The following PHC3 variants were observed in gnomAD, a reference collection of about 807,000 sequenced individuals.
PHC3 encodes the protein polyhomeotic homolog 3.
In PHC3, 13 loss-of-function variants were observed where a neutral mutation model predicts 107.4. The observed-to-expected ratio is 0.12, with a 90% CI of 0.08 to 0.19. PHC3 has a LOEUF of 0.19. PHC3 is among the 10% of genes least tolerant of loss of function. The pLI is 1.00. For missense variants in PHC3, 992 were observed against 1,210.9 expected (o/e 0.82, Z 2.68); for synonymous variants, 456 against 427.4 (o/e 1.07, Z -0.83).
intron 6 of PHC3, among the ~76,000 whole-genome samples, chr3:170,139,124 A>G (rs1723622549): frequency 1.3e-5 from 2 of 152,182 alleles, no homozygotes; most frequent in Non-Finnish European, 2.9e-5. Flanking sequence ...GAATTACTAA[A>G]TGTATGTTTG....
intron 4 of PHC3, among the ~76,000 whole-genome samples, chr3:170,160,931 T>C (rs555965850): frequency 2.8e-4 from 42 of 152,232 alleles, no homozygotes; most frequent in South Asian, 2.1e-3. Context: ...AGAGTTAACA[T>C]TAATAGTGTT....
intron 4 of PHC3, among the ~76,000 whole-genome samples, chr3:170,159,799 G>A (rs759827406): frequency 2.6e-5 from 4 of 152,068 alleles, no homozygotes; most frequent in Non-Finnish European, 5.9e-5. Flanking sequence ...AGTTACCCCA[G>A]AAGAATGATA....
chr3:170,132,284 C>T (rs1403937136), intron 7 of PHC3, among the ~76,000 whole-genome samples: 4 of 152,130 alleles, frequency 2.6e-5, no homozygotes, highest in Non-Finnish European at 4.4e-5. Flanking sequence ...ATCCAACATA[C>T]GACAGATGAA....
intron 4 of PHC3, chr3:170,171,033 A>G (rs1300262626): frequency 3.2e-6 from 1 of 311,706 alleles, no homozygotes; most frequent in Non-Finnish European, 5.8e-6. Flanking sequence ...GACATGACAT[A>G]CTATTGTATA....
At position 170,178,953 on chromosome 3, in the gene PHC3, A is replaced by G. The variant is rs1369834520; in HGVS notation, c.15-15T>C. On this transcript the variant is annotated splice_polypyrimidine_tract_variant and intron_variant, in intron 1 of 14. Coordinates refer to ENST00000495893, the MANE Select transcript of PHC3 (RefSeq NM_024947.4). Reference sequence around the variant, plus strand: ...GGTCCTTAAATCTGGCAGGTCACACAAAGTGTTTGTATTGGTAAAAGCATT... The same window carrying G: ...GGTCCTTAAATCTGGCAGGTCACACGAAGTGTTTGTATTGGTAAAAGCATT... The G allele has an allele frequency of 1.0e-5, 16 of 1,605,876 alleles. No individual in the cohort carries two copies. Among genetic ancestry groups the G allele is most frequent in the African/African-American group, 1.3e-5 (1 of 74,918 alleles).
At chr3:170,135,650 T>C (rs535859867) in intron 7 of PHC3, among the ~76,000 whole-genome samples, 5 of 151,480 alleles carry the variant, frequency 3.3e-5, no homozygotes, top group Non-Finnish European at 7.4e-5. Flanking sequence ...CTGTAACAAT[T>C]ATGTACTAAA....
chr3:170,139,564 G>A (rs933486505), intron 6 of PHC3, among the ~76,000 whole-genome samples: 1 of 152,126 alleles, frequency 6.6e-6, no homozygotes, highest in Non-Finnish European at 1.5e-5. Context: ...CATTTCTATA[G>A]AATAATACTC....
intron 9 of PHC3, among the ~76,000 whole-genome samples, chr3:170,118,792 C>A (rs1386368180): frequency 6.6e-6 from 1 of 151,534 alleles, no homozygotes; most frequent in East Asian, 1.9e-4. Context: ...AATTCCTAGA[C>A]TCAAGTGATC....
intron 4 of PHC3, chr3:170,171,143 A>G (rs1309483849): frequency 5.2e-6 from 3 of 571,702 alleles, no homozygotes; most frequent in Non-Finnish European, 6.1e-6. Flanking sequence ...TGATCAGTGC[A>G]AATGGATATA....
At chr3:170,106,776 T>C (rs1469456643) in intron 12 of PHC3, 56 bp downstream of exon 12, 7 of 1,261,290 alleles carry the variant, frequency 5.5e-6, no homozygotes, top group African/African-American at 1.5e-5. Flanking sequence ...GGTTTTTTGG[T>C]TTAGTTGCAA....
At chr3:170,124,144 G>A (rs947833517) in intron 8 of PHC3, among the ~76,000 whole-genome samples, 3 of 151,528 alleles carry the variant, frequency 2.0e-5, no homozygotes, top group East Asian at 2.0e-4. Context: ...CACCGCACCC[G>A]GCCAATACCT....
rs1189015657 is a variant in PHC3, at chr3:170,117,324, T to C, written c.2095A>G (p.Ser699Gly). Residue 699 changes from serine to glycine, a missense_variant, in exon 10 of 15, where the codon AGT (serine) becomes GGT (glycine). By Grantham distance (56) the Ser-to-Gly change is moderately conservative (BLOSUM62 0). This residue lies in a region of PHC3 where 543 missense variants were observed against 590.8 expected (regional missense o/e 0.92). Coordinates refer to ENST00000495893, the MANE Select transcript of PHC3 (RefSeq NM_024947.4). ...NSTSMHSSIP[S>G]IENKPPQAIV... ...GCCTGTGGAGGTTTGTTCTCTATAC[T>C]GGGAATGCTACTGTGCATAGATGTA... 3 of 1,613,876 alleles carry C rather than the reference T, an allele frequency of 1.9e-6. No homozygotes were observed. The highest frequency in any genetic ancestry group is 2.7e-5 in the African/African-American group (2 of 74,938).
At chr3:170,148,212 T>A (rs1368628963) in intron 5 of PHC3, 1 of 152,124 alleles carries the variant, frequency 6.6e-6, no homozygotes, top group Non-Finnish European at 1.5e-5. Context: ...GAGGTTGCAG[T>A]GAGCAGAGAT....
intron 4 of PHC3, among the ~76,000 whole-genome samples, chr3:170,164,357 T>C (rs1728402198): frequency 6.6e-6 from 1 of 152,134 alleles, no homozygotes; most frequent in South Asian, 2.1e-4. Flanking sequence ...ATTTAGACAA[T>C]ATAAAAATTA....
At chr3:170,115,620 T>C (rs924545113) in intron 10 of PHC3, among the ~76,000 whole-genome samples, 1 of 152,226 alleles carries the variant, frequency 6.6e-6, no homozygotes, top group African/African-American at 2.4e-5. Flanking sequence ...ATAAAAGTTA[T>C]GGCTCTCACT....
chr3:170,140,940 C>CT (rs1723997454), intron 6 of PHC3, among the ~76,000 whole-genome samples: 1 of 151,980 alleles, frequency 6.6e-6, no homozygotes, highest in African/African-American at 2.4e-5. Flanking sequence ...TTCCAAAAAT[C>CT]TTTTTTTATG....
At position 170,166,453 on chromosome 3, in the gene PHC3, C is replaced by A. The variant is rs531378143; in HGVS notation, c.414+4920G>T. 4.6e-5 allele frequency among the ~76,000 whole-genome samples: 7 copies of A among 152,340 alleles called. No individual in the cohort carries two copies. The South Asian group carries it at 1.4e-3, about 32-fold the overall frequency. On this transcript the variant is annotated intron_variant, in intron 4 of 14. Transcript: ENST00000495893. ...CTCAATACATAATGAAAATCCAAGT[C>A]TCTCTGTAGACACATATACAGCATT...
At chr3:170,122,029 G>C (rs1312052395) in intron 9 of PHC3, among the ~76,000 whole-genome samples, 1 of 151,970 alleles carries the variant, frequency 6.6e-6, no homozygotes, top group Non-Finnish European at 1.5e-5. Flanking sequence ...GAGGCAAGCG[G>C]ATCACTTGTA....
chr3:170,153,384 G>A (rs2108619335), intron 4 of PHC3, among the ~76,000 whole-genome samples: 1 of 152,164 alleles, frequency 6.6e-6, no homozygotes, highest in South Asian at 2.1e-4. Flanking sequence ...TTTAATATCT[G>A]CAAACTGATA....
Sources: allele counts gnomAD v4.1 joint callset (sites outside exome capture counted in the v4.1 genomes callset), GRCh38; gene constraint gnomAD v4.1.1; regional missense constraint gnomAD v4.1.1; transcripts MANE v1.5; gene names NCBI Gene and HGNC (gene_info 2026-07-23, HGNC 2026-07-21).